The following VPS37A variants were observed in gnomAD, a reference collection of about 807,000 sequenced individuals.
VPS37A encodes vacuolar protein sorting-associated protein 37A.
VPS37A carries 30 observed loss-of-function variants against 49.8 expected under a neutral mutation model. The ratio of observed to expected loss-of-function variants is 0.60; its 90% CI spans 0.45 to 0.82. VPS37A has a LOEUF of 0.82. Among genes scored for constraint, VPS37A ranks in the 40% least tolerant of loss-of-function variants. The pLI, the probability that VPS37A is intolerant of heterozygous loss-of-function variation, is 0.00. For synonymous variants in VPS37A, 195 were observed against 160.6 expected, an observed-to-expected ratio of 1.21 and a Z score of -1.62; for missense variants, 593 against 464.4, an observed-to-expected ratio of 1.28 and a Z score of -2.55.
At chr8:17,312,569 C>A in the VPS37A span, among the ~76,000 whole-genome samples, 2 of 93,508 alleles carry the variant, frequency 2.1e-5, no homozygotes, top group Admixed American at 1.1e-4. Context: ...AGCGAGACTC[C>A]CTCTCAAAAA....
the VPS37A span, among the ~76,000 whole-genome samples, chr8:17,316,512 T>C: frequency 6.6e-6 from 1 of 151,622 alleles, no homozygotes; most frequent in Non-Finnish European, 1.5e-5. Flanking sequence ...AAAGTCTCCC[T>C]GTACCTGGAT....
At chr8:17,268,169 C>T in intron 2 of VPS37A, 89 bp from the exon 3 acceptor site, 1 of 891,326 alleles carries the variant, frequency 1.1e-6, no homozygotes, top group South Asian at 1.8e-5. Flanking sequence ...ATTTAATTTA[C>T]TTTTAAATAG....
rs545406264 is a variant in VPS37A, at chr8:17,286,771, T to A, written c.*344T>A. 4.5e-4 allele frequency among the ~76,000 whole-genome samples: 69 copies of A among 152,284 alleles called. 1 individual carries two copies. The highest frequency in any genetic ancestry group is 4.5e-3 in the Admixed American group (69 of 15,284). Reference sequence around the variant, plus strand: ...TTTCTCAGAAGGCTCCTTTGTCATTTCTTCCTTTAAAGTGAACTTCCAGCC... The same window carrying A: ...TTTCTCAGAAGGCTCCTTTGTCATTACTTCCTTTAAAGTGAACTTCCAGCC... On this transcript the variant is annotated intron_variant, in intron 11 of 11. Transcript: ENST00000324849.
intron 11 of VPS37A, among the ~76,000 whole-genome samples, chr8:17,289,265 A>T (rs1283744963): frequency 6.6e-6 from 1 of 152,192 alleles, no homozygotes; most frequent in South Asian, 2.1e-4. Context: ...TGTTTTAGAC[A>T]TGAAGTCTTT....
chr8:17,305,041 A>G (rs1817363860), downstream of VPS37A, among the ~76,000 whole-genome samples: 1 of 152,176 alleles, frequency 6.6e-6, no homozygotes, highest in Non-Finnish European at 1.5e-5. Flanking sequence ...AGGTGACCCT[A>G]AAGGATACAC....
intron 1 of VPS37A, among the ~76,000 whole-genome samples, chr8:17,254,858 T>G (rs1441086336): frequency 1.3e-5 from 2 of 152,208 alleles, no homozygotes; most frequent in Non-Finnish European, 2.9e-5. Flanking sequence ...TTTGATTTTT[T>G]TATCTAAATC....
At chr8:17,328,582 G>A in the VPS37A span, among the ~76,000 whole-genome samples, 1 of 152,056 alleles carries the variant, frequency 6.6e-6, no homozygotes, top group Non-Finnish European at 1.5e-5. Context: ...GTGGGGGAGT[G>A]GAGGGAGAGC....
At chr8:17,331,128 T>A in the VPS37A span, 3 of 1,599,818 alleles carry the variant, frequency 1.9e-6, no homozygotes, top group South Asian at 3.4e-5. Context: ...ATTTTAATGC[T>A]GTGCATAAGG....
the VPS37A span, chr8:17,311,804 G>T: frequency 9.7e-7 from 1 of 1,026,822 alleles, no homozygotes; most frequent in Non-Finnish European, 1.4e-6. Flanking sequence ...AGCCAGAGTG[G>T]CCTGGTGCTG....
Position 17,295,837 on chromosome 8 carries a change from C to A in VPS37A, c.*851C>A, listed in dbSNP as rs2150439653. On this transcript the variant is annotated 3_prime_UTR_variant, in exon 12 of 12. Transcript: ENST00000324849. ...CTTTTCTGACCTTTACTGTGAGTTA[C>A]CTTTTCCTAAGAGGAAAGCTATAGT... 6.6e-6 allele frequency: 1 copy of A among 152,262 alleles called. No homozygotes were observed. Among genetic ancestry groups the A allele is most frequent in the South Asian group, 2.1e-4 (1 of 4,824 alleles). 9.4% of individuals were successfully genotyped at this position (152,262 alleles called of 1,614,324 possible).
chr8:17,309,448 A>C, the VPS37A span: 1 of 709,740 alleles, frequency 1.4e-6, no homozygotes, highest in Non-Finnish European at 2.5e-6. Flanking sequence ...AGTAACCTGC[A>C]AATGCATGAA....
At chr8:17,263,033 C>G (rs574029762) in intron 1 of VPS37A, among the ~76,000 whole-genome samples, 32 of 149,338 alleles carry the variant, frequency 2.1e-4, no homozygotes, top group African/African-American at 6.7e-4. Flanking sequence ...TGCACTCCAG[C>G]CTGATGACTG....
chr8:17,304,552 T>G, downstream of VPS37A: 1 of 1,600,344 alleles, frequency 6.2e-7, no homozygotes, highest in East Asian at 2.2e-5. Flanking sequence ...ATAAATGACC[T>G]ATTTTGGTGC....
downstream of VPS37A, among the ~76,000 whole-genome samples, chr8:17,305,563 CTATT>C (rs780761292): frequency 2.0e-5 from 3 of 152,114 alleles, no homozygotes; most frequent in African/African-American, 4.8e-5. Flanking sequence ...AAAAATGAAA[CTATT>C]TATCTGTCAG....
Position 17,268,354 on chromosome 8 carries a change from C to T in VPS37A, c.297C>T (p.Thr99=), listed in dbSNP as rs373508118. The stretch of plus-strand genomic sequence containing the variant: ...TGGATAAACAAGGAGTGTATGTTAC[C>T]TCTCCATTAGTAAACAATGTATGTA... ...HLMDKQGVYV[T]SPLVNNFTMH... The change falls in exon 3 of 12, where the codon ACC becomes ACT. Residue 99 remains threonine (T), a synonymous_variant. Coordinates refer to ENST00000324849, the MANE Select transcript of VPS37A (RefSeq NM_152415.3). 1.2e-6 allele frequency: 2 copies of T among 1,609,292 alleles called. No homozygotes were observed. Among genetic ancestry groups the T allele is most frequent in the Non-Finnish European group, 8.5e-7 (1 of 1,176,264 alleles).
the VPS37A span, among the ~76,000 whole-genome samples, chr8:17,312,294 G>T: frequency 3.9e-4 from 59 of 152,240 alleles, 1 homozygote; most frequent in East Asian, 9.9e-3. Flanking sequence ...CTCTGTCTCA[G>T]CTGGAGGCAG....
the VPS37A span, chr8:17,311,649 C>T: frequency 1.9e-5 from 30 of 1,613,778 alleles, no homozygotes; most frequent in Middle Eastern, 3.3e-4. Flanking sequence ...AGAAAACACA[C>T]GATCCGCAAA....
At chr8:17,303,851 C>T (rs966987597), downstream of VPS37A, among the ~76,000 whole-genome samples, 5 of 152,150 alleles carry the variant, frequency 3.3e-5, no homozygotes, top group African/African-American at 1.2e-4. Context: ...CTAGGGTGAT[C>T]CACCCGCCTC....
chr8:17,262,344 A>G (rs963466326), intron 1 of VPS37A, among the ~76,000 whole-genome samples: 6 of 152,138 alleles, frequency 3.9e-5, no homozygotes, highest in Non-Finnish European at 7.4e-5. Flanking sequence ...ATTAAGGTCT[A>G]TTTGTTTCCA....
Sources: gnomAD v4.1 joint callset for allele counts (sites outside exome capture counted in the v4.1 genomes callset) on GRCh38, gnomAD v4.1.1 for gene constraint, MANE v1.5 for transcripts, NCBI Gene and HGNC (gene_info 2026-07-23, HGNC 2026-07-21) for gene names.